MCMBP: variants seen among roughly 807,000 people sequenced by gnomAD.
The protein encoded by MCMBP is mini-chromosome maintenance complex-binding protein.
A neutral mutation model predicts 81.3 loss-of-function variants in MCMBP; 31 were observed. The ratio of observed to expected loss-of-function variants is 0.38; its 90% CI spans 0.29 to 0.51. The LOEUF (loss-of-function observed/expected upper bound fraction) is 0.51. MCMBP is among the 20% of genes least tolerant of loss of function. MCMBP has a pLI of 0.87. For synonymous variants in MCMBP, 267 were observed against 275.9 expected (o/e 0.97, Z 0.32); for missense variants, 645 against 772.1 (o/e 0.84, Z 1.95).
At position 119,859,811 on chromosome 10, in the gene MCMBP, A is replaced by T. The variant is rs1214179596; in HGVS notation, c.132T>A (p.Asn44Lys). 6.2e-7 allele frequency: 1 copy of T among 1,612,574 alleles called. No homozygotes were observed. Among genetic ancestry groups the T allele is most frequent in the East Asian group, 2.2e-5 (1 of 44,834 alleles). Residue 44 changes from asparagine to lysine, a missense_variant, in exon 2 of 16, where the codon AAT (asparagine) becomes AAA (lysine). Physicochemically the swap from Asn to Lys is moderately conservative, Grantham distance 94. Coordinates refer to ENST00000369077, the MANE Select transcript of MCMBP (RefSeq NM_001256378.2). ...EYFKEKLKEN[N>K]APKWVPSLNE... ...GCAATAAGCTTACCCACTTAGGAGC[A>T]TTATTTTCCTTCAGCTTTTCCTTAA...
chr10:119,847,516 G>T (rs1852659423), intron 8 of MCMBP, 97 bp downstream of exon 8: 1 of 618,058 alleles, frequency 1.6e-6, no homozygotes, highest in Non-Finnish European at 2.7e-6. Flanking sequence ...CTGGGAGAAA[G>T]GGAAAAGGGA....
intron 4 of MCMBP, among the ~76,000 whole-genome samples, chr10:119,858,638 T>C (rs1343385696): frequency 1.3e-5 from 2 of 152,116 alleles, no homozygotes; most frequent in African/African-American, 4.8e-5. Flanking sequence ...GTTTTACATA[T>C]ATTATATACA....
At chr10:119,871,522 G>A (rs982177437) in intron 1 of MCMBP, among the ~76,000 whole-genome samples, 2 of 152,162 alleles carry the variant, frequency 1.3e-5, no homozygotes, top group Non-Finnish European at 2.9e-5. Context: ...AGGACTTCCT[G>A]AGTAAGCACT....
At chr10:119,867,311 A>C (rs886536086) in intron 1 of MCMBP, among the ~76,000 whole-genome samples, 3 of 151,420 alleles carry the variant, frequency 2.0e-5, no homozygotes, top group African/African-American at 7.3e-5. Context: ...AAAAAAAAAA[A>C]AAAAAAAAAA....
chr10:119,848,868 TG>T (rs756385751), intron 7 of MCMBP, among the ~76,000 whole-genome samples: 4 of 152,176 alleles, frequency 2.6e-5, no homozygotes, highest in Non-Finnish European at 5.9e-5. Context: ...ATGTTAGAAA[TG>T]ATACAGGAAG....
chr10:119,851,152 G>A (rs540258062), intron 6 of MCMBP, among the ~76,000 whole-genome samples: 6 of 152,170 alleles, frequency 3.9e-5, no homozygotes, highest in Non-Finnish European at 7.4e-5. Context: ...ATAGGTGTGA[G>A]CCACCGCAAC....
chr10:119,842,891 T>C, intron 9 of MCMBP: 2 of 375,684 alleles, frequency 5.3e-6, no homozygotes, highest in Admixed American at 4.0e-5. Flanking sequence ...GTAGCTGGGA[T>C]TACAGGCACA....
At chr10:119,838,462 CT>C (rs1437510395) in intron 12 of MCMBP, 72 bp downstream of exon 12, 3 of 1,461,588 alleles carry the variant, frequency 2.1e-6, no homozygotes, top group Non-Finnish European at 2.8e-6. Flanking sequence ...AGATACTCTT[CT>C]AAAAGTTATT....
intron 14 of MCMBP, among the ~76,000 whole-genome samples, chr10:119,832,695 T>A (rs572116307): frequency 3.9e-5 from 6 of 152,260 alleles, no homozygotes; most frequent in African/African-American, 1.4e-4. Flanking sequence ...GGTGGCTCCC[T>A]GGAAGGACCC....
At chr10:119,871,116 C>T (rs1483366975) in intron 1 of MCMBP, among the ~76,000 whole-genome samples, 3 of 152,008 alleles carry the variant, frequency 2.0e-5, no homozygotes, top group African/African-American at 7.2e-5. Flanking sequence ...GAAATTTAAC[C>T]CTTTAAGCAC....
chr10:119,853,164 T>G lies in MCMBP; in HGVS notation c.460A>C (p.Ser154Arg). ...CTAGGAGTGTAGGATGTTGAGGGAC[T>G]GACTCGAGCTTGGTTTGCATTAACA... Reference protein sequence around the residue: ...AYVNANQARVSPSTSYTPSRH... With the variant: ...AYVNANQARVRPSTSYTPSRH... Residue 154 changes from serine (S) to arginine (R), a missense_variant, in exon 6 of 16, where the codon AGT (serine) becomes CGT (arginine). Ser to Arg is a moderately radical substitution (Grantham distance 110). Coordinates refer to ENST00000369077, the MANE Select transcript of MCMBP (RefSeq NM_001256378.2). The G allele has an allele frequency of 6.2e-7, 1 of 1,614,092 alleles. No homozygotes were observed. Among genetic ancestry groups the G allele is most frequent in the Non-Finnish European group, 8.5e-7 (1 of 1,179,954 alleles).
chr10:119,857,511 C>A, intron 4 of MCMBP, 72 bp from the exon 5 acceptor site: 3 of 952,640 alleles, frequency 3.1e-6, no homozygotes, highest in Non-Finnish European at 4.7e-6. Context: ...AAATTAGCAA[C>A]CACATTTTCA....
intron 1 of MCMBP, among the ~76,000 whole-genome samples, chr10:119,870,112 A>G (rs1296123506): frequency 1.3e-5 from 2 of 152,260 alleles, no homozygotes; most frequent in African/African-American, 2.4e-5. Flanking sequence ...GACAGGGTTA[A>G]TAAGTTTATA....
chr10:119,864,615 A>AT (rs979083911), intron 1 of MCMBP, among the ~76,000 whole-genome samples: 4 of 130,990 alleles, frequency 3.1e-5, no homozygotes, highest in East Asian at 2.3e-4. Flanking sequence ...AGTTTCACTG[A>AT]TTTTTTCTTT....
intron 12 of MCMBP, among the ~76,000 whole-genome samples, chr10:119,837,434 T>C (rs1852285282): frequency 6.6e-6 from 1 of 152,220 alleles, no homozygotes; most frequent in Admixed American, 6.5e-5. Context: ...ACCTCATTTT[T>C]TCTTCTACCT....
At chr10:119,832,261 GAAAAT>G (rs1457273014) in intron 14 of MCMBP, among the ~76,000 whole-genome samples, 161 bp from the exon 15 acceptor site, 1 of 152,108 alleles carries the variant, frequency 6.6e-6, no homozygotes, top group Admixed American at 6.6e-5. Context: ...TGCTGCTGAT[GAAAAT>G]AAAATAATGA....
In MCMBP at chr10:119,829,928, T is replaced by G. The variant is rs1488790500; in HGVS notation, c.*1546A>C. The G allele has an allele frequency of 6.6e-6, 1 of 152,582 alleles. No homozygotes were observed. Among genetic ancestry groups the G allele is most frequent in the African/African-American group, 2.4e-5 (1 of 41,466 alleles). 9.5% of individuals were successfully genotyped at this position (152,582 alleles called of 1,614,324 possible). On this transcript the variant is annotated 3_prime_UTR_variant, in exon 16 of 16. Transcript: ENST00000369077. ...AAAAAACACATGGTGACTAATGTACTTTGCTCTAGGACAATTAAAGAAAAT... is the reference window on the plus strand; with the variant it reads ...AAAAAACACATGGTGACTAATGTACGTTGCTCTAGGACAATTAAAGAAAAT...
At chr10:119,837,127 T>C in intron 12 of MCMBP, 98 bp from the exon 13 acceptor site, 1 of 1,286,444 alleles carries the variant, frequency 7.8e-7, no homozygotes. Context: ...TTTCTACCAC[T>C]TTTAATAAAG....
At chr10:119,852,900 A>G (rs1852881720) in intron 6 of MCMBP, 150 bp downstream of exon 6, 1 of 924,098 alleles carries the variant, frequency 1.1e-6, no homozygotes, top group African/African-American at 1.7e-5. Context: ...GCACAGTCTC[A>G]TCAGAGTACT....
Sources: allele counts gnomAD v4.1 joint callset (sites outside exome capture counted in the v4.1 genomes callset), GRCh38; gene constraint gnomAD v4.1.1; transcripts MANE v1.5; gene names NCBI Gene and HGNC (gene_info 2026-07-23, HGNC 2026-07-21).